The following PTPRK variants were observed in gnomAD, a reference collection of about 807,000 sequenced individuals.
The protein encoded by PTPRK is protein tyrosine phosphatase receptor type K, also known as receptor-type tyrosine-protein phosphatase kappa.
Under a neutral mutation model 178.0 loss-of-function variants are expected in PTPRK, and 75 were observed. The ratio of observed to expected loss-of-function variants is 0.42; its 90% CI spans 0.35 to 0.51. The LOEUF (loss-of-function observed/expected upper bound fraction) is 0.51, where lower values mean the gene tolerates loss of function less well. PTPRK is among the 20% of genes least tolerant of loss of function. The probability of loss-of-function intolerance (pLI) is 0.02; values close to 1 mark genes in which losing one functional copy is unlikely to be tolerated. For synonymous variants in PTPRK, 637 were observed against 620.6 expected, an observed-to-expected ratio of 1.03 and a Z score of -0.39; for missense variants, 1,441 against 1,797.8, an observed-to-expected ratio of 0.80 and a Z score of 3.59.
At chr6:128,464,636 CACATATATATATATATATATAT>C (rs1392493385) in intron 1 of PTPRK, among the ~76,000 whole-genome samples, 2 of 40,740 alleles carry the variant, frequency 4.9e-5, no homozygotes, top group African/African-American at 1.3e-4. Context: ...TATATATATA[CACATATATATATATATATATAT>C]ATATATATAT....
intron 2 of PTPRK, among the ~76,000 whole-genome samples, chr6:128,332,222 A>G (rs1830369364): frequency 6.6e-6 from 1 of 152,206 alleles, no homozygotes; most frequent in African/African-American, 2.4e-5. Flanking sequence ...TTCCAGTTTC[A>G]TCTTTATGAC....
At chr6:128,084,117 T>G (rs1295962726) in intron 8 of PTPRK, among the ~76,000 whole-genome samples, 1 of 152,152 alleles carries the variant, frequency 6.6e-6, no homozygotes, top group Non-Finnish European at 1.5e-5. Context: ...GTAGTCTAGT[T>G]TCCTCTGTTG....
intron 2 of PTPRK, among the ~76,000 whole-genome samples, chr6:128,343,493 T>A (rs984946248): frequency 7.8e-6 from 1 of 128,532 alleles, no homozygotes. Flanking sequence ...AGAGTGAAAC[T>A]CCATCTCAAA....
At chr6:128,154,021 T>G (rs538330501) in intron 7 of PTPRK, among the ~76,000 whole-genome samples, 6 of 151,930 alleles carry the variant, frequency 3.9e-5, no homozygotes, top group African/African-American at 1.4e-4. Context: ...ATGTATTCTT[T>G]AGCTAAGAAT....
chr6:128,421,674 C>T (rs1035215977), intron 1 of PTPRK, among the ~76,000 whole-genome samples: 2 of 152,090 alleles, frequency 1.3e-5, no homozygotes, highest in Non-Finnish European at 2.9e-5. Context: ...ACACAATATA[C>T]CCAAAATGTA....
At chr6:128,068,643 G>C (rs891969254) in intron 11 of PTPRK, among the ~76,000 whole-genome samples, 3 of 151,584 alleles carry the variant, frequency 2.0e-5, no homozygotes, top group African/African-American at 7.3e-5. Context: ...TCTGAAGCTG[G>C]TATATTAACA....
chr6:127,984,562 G>A (rs1456319388), intron 22 of PTPRK, among the ~76,000 whole-genome samples: 1 of 152,122 alleles, frequency 6.6e-6, no homozygotes, highest in African/African-American at 2.4e-5. Context: ...TCTGAAGCAA[G>A]CAATTCATAA....
chr6:128,440,140 C>A (rs772017940), intron 1 of PTPRK, among the ~76,000 whole-genome samples: 4 of 152,172 alleles, frequency 2.6e-5, no homozygotes, highest in Non-Finnish European at 5.9e-5. Flanking sequence ...CTTGAGTATA[C>A]ATGGATTTTG....
intron 1 of PTPRK, among the ~76,000 whole-genome samples, chr6:128,456,597 A>G (rs1435422309): frequency 3.9e-5 from 6 of 152,146 alleles, no homozygotes; most frequent in Non-Finnish European, 5.9e-5. Flanking sequence ...AACTATAATT[A>G]CCATATTCTA....
chr6:128,006,739 G>A (rs1778468861), intron 14 of PTPRK, among the ~76,000 whole-genome samples: 2 of 150,778 alleles, frequency 1.3e-5, no homozygotes, highest in South Asian at 4.1e-4. Context: ...CACAACCAAT[G>A]AAAAAATGGC....
chr6:128,462,730 A>T (rs1309793980), intron 1 of PTPRK, among the ~76,000 whole-genome samples: 12 of 151,762 alleles, frequency 7.9e-5, no homozygotes, highest in African/African-American at 2.7e-4. Flanking sequence ...ATCTCGGCTC[A>T]CTGCAACCTC....
At chr6:128,298,370 C>T (rs1276746339) in intron 3 of PTPRK, among the ~76,000 whole-genome samples, 1 of 151,614 alleles carries the variant, frequency 6.6e-6, no homozygotes, top group Non-Finnish European at 1.5e-5. Context: ...TCCTCTGTAG[C>T]TCATTTTATG....
chr6:128,280,950 C>T (rs1298397062), intron 3 of PTPRK, among the ~76,000 whole-genome samples: 2 of 151,668 alleles, frequency 1.3e-5, no homozygotes, highest in Admixed American at 6.6e-5. Context: ...AAATAACTTC[C>T]CAGTTAATCG....
At position 127,976,780 on chromosome 6, in the gene PTPRK, G is replaced by A. The variant is rs748230634; in HGVS notation, c.3846C>T (p.Gly1282=). The part of the protein sequence containing the change: ...VMLNEVDLSQ[G]CPQYWPEEGM... ...CTTCCTCTGGCCAGTACTGAGGGCAGCCCTAAATGATGAACGTTTTGAAAG... is the reference window on the plus strand; with the variant it reads ...CTTCCTCTGGCCAGTACTGAGGGCAACCCTAAATGATGAACGTTTTGAAAG... The change falls in exon 27 of 30, where the codon GGC becomes GGT. Residue 1282 remains glycine (G), a splice_region_variant and synonymous_variant. Transcript: ENST00000368226. 4 of 1,611,762 alleles carry A rather than the reference G, an allele frequency of 2.5e-6. No homozygotes were observed. Among genetic ancestry groups the A allele is most frequent in the Non-Finnish European group, 3.4e-6 (4 of 1,179,500 alleles).
At chr6:128,496,672 C>T (rs1562642105) in intron 1 of PTPRK, among the ~76,000 whole-genome samples, 1 of 152,074 alleles carries the variant, frequency 6.6e-6, no homozygotes, top group Non-Finnish European at 1.5e-5. Flanking sequence ...ACATATGCAG[C>T]TTTTTAAATT....
intron 1 of PTPRK, among the ~76,000 whole-genome samples, chr6:128,464,662 T>TATATATATATAC (rs1849612266): frequency 8.9e-6 from 1 of 112,856 alleles, no homozygotes; most frequent in East Asian, 2.2e-4. Context: ...TATATATATA[T>TATATATATATAC]ATATATATAT....
At chr6:128,301,244 T>C (rs879309376) in intron 3 of PTPRK, among the ~76,000 whole-genome samples, 2 of 152,202 alleles carry the variant, frequency 1.3e-5, no homozygotes, top group African/African-American at 4.8e-5. Flanking sequence ...TCAGCATTTC[T>C]TTTAATACAA....
At position 127,970,017 on chromosome 6, in the gene PTPRK, G is replaced by C; in HGVS notation, c.*210C>G. 2.2e-6 allele frequency: 1 copy of C among 456,348 alleles called. No individual in the cohort carries two copies. Among genetic ancestry groups the C allele is most frequent in the South Asian group, 4.2e-5 (1 of 23,798 alleles). The allele number at this position is 456,348 out of a possible 1,614,324, so 28.3% of individuals were successfully genotyped here. A position where few individuals can be genotyped will look rare whatever the true frequency, so the allele number is the denominator to read the frequency against. ...AAATATAATTTATGTGGCATGAAAT[G>C]TTGATGCTTTAATATAGTAATAAAA... On this transcript the variant is annotated 3_prime_UTR_variant, in exon 30 of 30. Transcript: ENST00000368226.
At chr6:128,051,269 C>A (rs80284644) in intron 13 of PTPRK, among the ~76,000 whole-genome samples, 4,325 of 152,208 alleles carry the variant, frequency 0.028, 220 homozygotes, top group African/African-American at 0.1. Flanking sequence ...CCAGTCTCTA[C>A]CATGCTTAAT....
Sources: allele counts gnomAD v4.1 joint callset (sites outside exome capture counted in the v4.1 genomes callset), GRCh38; gene constraint gnomAD v4.1.1; transcripts MANE v1.5; gene names NCBI Gene and HGNC (gene_info 2026-07-23, HGNC 2026-07-21).